The following EYS variants were observed in gnomAD, a reference collection of about 807,000 sequenced individuals.
EYS encodes the protein EGF-like photoreceptor maintenance factor.
In EYS, 250 loss-of-function variants were observed where a neutral mutation model predicts 282.1. The ratio of observed to expected loss-of-function variants is 0.89; its 90% CI spans 0.80 to 0.98. EYS has a LOEUF of 0.98. EYS is among the 50% of genes least tolerant of loss of function. The probability of loss-of-function intolerance (pLI) is 0.00; values close to 1 mark genes in which losing one functional copy is unlikely to be tolerated. For synonymous variants in EYS, 1,355 were observed against 1,282.9 expected (o/e 1.06, Z -1.20); for missense variants, 4,016 against 3,709.0 (o/e 1.08, Z -2.15).
chr6:65,522,135 G>A (rs1767397478), intron 2 of EYS, among the ~76,000 whole-genome samples: 1 of 152,006 alleles, frequency 6.6e-6, no homozygotes, highest in East Asian at 1.9e-4. Flanking sequence ...ATACTCTGAT[G>A]TAAATCTATT....
At chr6:65,138,582 A>T (rs1776087829) in intron 12 of EYS, among the ~76,000 whole-genome samples, 1 of 152,058 alleles carries the variant, frequency 6.6e-6, no homozygotes, top group Non-Finnish European at 1.5e-5. Flanking sequence ...ACTAGCTAGT[A>T]ATCCTAGGAT....
rs976362490 is a variant in EYS at position 65,689,927 on chromosome 6, G to T, written c.-448+17208C>A. Among the ~76,000 whole-genome samples the T allele has an allele frequency of 2.0e-5, 3 of 149,658 alleles. 1 individual carries two copies. The highest frequency in any genetic ancestry group is 2.2e-4 in the South Asian group (1 of 4,622). ...AGATAGTGAAAGCTGGGTCCAGGGG[G>T]GTCACCGCATTCTGGTCCCGCAGTA... On this transcript the variant is annotated intron_variant, in intron 1 of 42. Coordinates refer to ENST00000503581, the MANE Select transcript of EYS (RefSeq NM_001142800.2).
chr6:65,390,487 G>T (rs1391862198), intron 7 of EYS, among the ~76,000 whole-genome samples: 3 of 151,768 alleles, frequency 2.0e-5, no homozygotes, highest in Non-Finnish European at 4.4e-5. Context: ...ACACTTCACT[G>T]CTTGTGGTAC....
chr6:64,394,971 G>A (rs1283699174), intron 28 of EYS, among the ~76,000 whole-genome samples: 1 of 152,144 alleles, frequency 6.6e-6, no homozygotes, highest in African/African-American at 2.4e-5. Flanking sequence ...AGTGGGCGAA[G>A]GATATGAACA....
chr6:64,751,224 C>T (rs1005494630), intron 22 of EYS, among the ~76,000 whole-genome samples: 1 of 152,142 alleles, frequency 6.6e-6, no homozygotes, highest in African/African-American at 2.4e-5. Context: ...ACATTTGCTC[C>T]CCTGGTTTTG....
intron 26 of EYS, among the ~76,000 whole-genome samples, chr6:64,569,026 G>GAAAA (rs4034162): frequency 0.012 from 1,195 of 101,714 alleles, 36 homozygotes; most frequent in African/African-American, 0.044. Flanking sequence ...AGATGGAAAA[G>GAAAA]AAAAAAAAAA....
At chr6:64,662,308 T>C (rs1286892773) in intron 22 of EYS, among the ~76,000 whole-genome samples, 4 of 151,692 alleles carry the variant, frequency 2.6e-5, no homozygotes, top group Non-Finnish European at 4.4e-5. Context: ...GGGTGCAGCA[T>C]ACCAACATGG....
intron 14 of EYS, among the ~76,000 whole-genome samples, chr6:64,968,720 T>C (rs899270046): frequency 2.0e-5 from 3 of 152,208 alleles, no homozygotes; most frequent in Non-Finnish European, 1.5e-5. Flanking sequence ...TGGCTGTTTT[T>C]GTGGTTGCCA....
Position 64,629,133 on chromosome 6 carries a change from T to G in EYS, c.3444-2888A>C, listed in dbSNP as rs367651930. On this transcript the variant is annotated intron_variant, in intron 22 of 42. Transcript: ENST00000503581. The stretch of plus-strand genomic sequence containing the variant: ...ATATTTTCTCATACTTCCTTGTTTT[T>G]GATGACTTCGACTGTTTTGAAGGGC... 3.9e-5 allele frequency among the ~76,000 whole-genome samples: 6 copies of G among 152,310 alleles called. No homozygotes were observed. In the South Asian group the frequency reaches 8.3e-4, roughly 21 times the overall value.
intron 12 of EYS, among the ~76,000 whole-genome samples, chr6:65,278,288 T>A (rs1280895122): frequency 6.9e-6 from 1 of 144,094 alleles, no homozygotes; most frequent in African/African-American, 2.5e-5. Flanking sequence ...ATTCTATATA[T>A]ATATTTATAG....
chr6:63,936,364 C>T (rs1765057390), intron 35 of EYS, among the ~76,000 whole-genome samples: 1 of 152,206 alleles, frequency 6.6e-6, no homozygotes, highest in South Asian at 2.1e-4. Context: ...CTCTGCTAGC[C>T]TGATATTGAT....
At chr6:64,301,238 T>C (rs1769221815) in intron 30 of EYS, among the ~76,000 whole-genome samples, 1 of 152,228 alleles carries the variant, frequency 6.6e-6, no homozygotes, top group Non-Finnish European at 1.5e-5. Flanking sequence ...ATTAACTGGC[T>C]TTGGCCCACC....
At chr6:64,115,560 T>C (rs1773352427) in intron 31 of EYS, among the ~76,000 whole-genome samples, 1 of 152,148 alleles carries the variant, frequency 6.6e-6, no homozygotes, top group Non-Finnish European at 1.5e-5. Context: ...CAGCTGAGGA[T>C]CCCTGCAATC....
intron 30 of EYS, among the ~76,000 whole-genome samples, chr6:64,304,060 C>T (rs963302592): frequency 6.6e-6 from 1 of 152,016 alleles, no homozygotes; most frequent in Non-Finnish European, 1.5e-5. Flanking sequence ...TGTTAATTAC[C>T]CTCTAGTGGT....
intron 21 of EYS, among the ~76,000 whole-genome samples, chr6:64,818,447 G>T (rs1217745296): frequency 1.3e-5 from 2 of 152,130 alleles, no homozygotes; most frequent in African/African-American, 4.8e-5. Context: ...TTATTAAGGA[G>T]TACTGACTCA....
intron 24 of EYS, among the ~76,000 whole-genome samples, chr6:64,613,727 G>A (rs1582954982): frequency 6.6e-6 from 1 of 152,188 alleles, no homozygotes; most frequent in East Asian, 1.9e-4. Flanking sequence ...AACTACAGGG[G>A]AGCCCACTCT....
intron 32 of EYS, among the ~76,000 whole-genome samples, chr6:64,079,378 C>G (rs1033967071): frequency 6.6e-5 from 10 of 151,980 alleles, no homozygotes; most frequent in African/African-American, 2.2e-4. Flanking sequence ...TTAAAAACTA[C>G]TAACTTCACC....
chr6:65,686,896 A>G (rs1256961805), intron 1 of EYS, among the ~76,000 whole-genome samples: 1 of 152,032 alleles, frequency 6.6e-6, no homozygotes, highest in Admixed American at 6.6e-5. Flanking sequence ...GGGCTTGGTG[A>G]CAACATGAAA....
chr6:64,149,905 A>G (rs544212032), intron 31 of EYS, among the ~76,000 whole-genome samples: 2 of 152,172 alleles, frequency 1.3e-5, no homozygotes, highest in Non-Finnish European at 2.9e-5. Flanking sequence ...CCCTGCCTTC[A>G]TGGGGGTGGA....
Sources: gnomAD v4.1 joint callset for allele counts (sites outside exome capture counted in the v4.1 genomes callset) on GRCh38, gnomAD v4.1.1 for gene constraint, MANE v1.5 for transcripts, NCBI Gene and HGNC (gene_info 2026-07-23, HGNC 2026-07-21) for gene names.